Variants in NAV3 observed in about 807,000 individuals in gnomAD.
NAV3 encodes pore membrane and/or filament interacting like protein 1.
NAV3 carries 87 observed loss-of-function variants against 244.7 expected under a neutral mutation model. The ratio of observed to expected loss-of-function variants is 0.36; its 90% confidence interval spans 0.30 to 0.42. NAV3 has a LOEUF of 0.42. NAV3 is among the 20% of genes least tolerant of loss of function. The pLI is 1.00. For missense variants in NAV3, 2,663 were observed against 2,893.3 expected (o/e 0.92, Z 1.83); for synonymous variants, 1,126 against 1,042.2 (o/e 1.08, Z -1.55).
intron 2 of NAV3, among the ~76,000 whole-genome samples, chr12:77,711,405 C>T (rs556263118): frequency 5.3e-5 from 8 of 152,272 alleles, no homozygotes; most frequent in African/African-American, 1.9e-4. Context: ...ATGTCCTTTC[C>T]CTGACTTCAG....
chr12:78,063,009 T>A (rs1161537518), intron 12 of NAV3, among the ~76,000 whole-genome samples: 1 of 152,140 alleles, frequency 6.6e-6, no homozygotes, highest in Non-Finnish European at 1.5e-5. Flanking sequence ...GCAATGGACT[T>A]GAATTGTTTG....
rs774799435 is a variant in NAV3, at chr12:77,998,343, A to G, written c.747A>G (p.Pro249=). 4 of 1,563,658 alleles carry G rather than the reference A, an allele frequency of 2.6e-6. No individual in the cohort carries two copies. The highest frequency in any genetic ancestry group is 3.4e-6 in the Non-Finnish European group (4 of 1,160,700). ...ATSQKKPTRL[P]GPSRVPAAGS... ...TTTTCTTATACTATTTCAGGCTTCC[A>G]GGGCCCTCTAGGGTGCCTGCTGCAG... The change falls in exon 7 of 40, where the codon CCA becomes CCG. Residue 249 remains proline, a synonymous_variant. Coordinates refer to ENST00000397909, the MANE Select transcript of NAV3 (RefSeq NM_001024383.2).
intron 2 of NAV3, among the ~76,000 whole-genome samples, chr12:77,637,126 A>G (rs1459546551): frequency 6.6e-6 from 1 of 152,114 alleles, no homozygotes; most frequent in African/African-American, 2.4e-5. Context: ...GTATCCCAGA[A>G]CTTAAAGTAT....
At chr12:78,127,065 C>T in intron 16 of NAV3, 102 bp from the exon 17 acceptor site, 1 of 1,163,592 alleles carries the variant, frequency 8.6e-7, no homozygotes. Context: ...TGTGTGTTAC[C>T]AAAAAATTAT....
chr12:77,686,777 C>G (rs761317736), intron 2 of NAV3, among the ~76,000 whole-genome samples: 9 of 152,180 alleles, frequency 5.9e-5, no homozygotes, highest in Non-Finnish European at 8.8e-5. Context: ...GAGGTCTTAA[C>G]ATACACCACT....
intron 1 of NAV3, among the ~76,000 whole-genome samples, chr12:77,910,078 A>G (rs1886421223): frequency 6.6e-6 from 1 of 152,150 alleles, no homozygotes; most frequent in Non-Finnish European, 1.5e-5. Context: ...GAGTTTAATT[A>G]GATAGGAAAT....
chr12:77,722,393 G>A lies in NAV3; in HGVS notation c.72+150127G>A, dbSNP rs75744366. 3.9e-5 allele frequency among the ~76,000 whole-genome samples: 6 copies of A among 152,056 alleles called. No individual in the cohort carries two copies. In the South Asian group the frequency reaches 1.2e-3, roughly 32 times the overall value. On this transcript the variant is annotated intron_variant, in intron 2 of 8. Coordinates refer to the NAV3 transcript ENST00000550042. ...GTGTATTTATACGTTAAAGCAACAG[G>A]TACTATAAAAATCTTGTTGATATTG... is the stretch of plus-strand genomic sequence containing the variant.
Position 78,140,275 on chromosome 12 carries a change from TC to T in NAV3, c.4631-6del. The stretch of plus-strand genomic sequence containing the variant: ...TTTAACTCTATTGTTCTGTTTGTTT[TC>T]TCCAGTTCATGGCTCTTCATTATCA... On this transcript the variant is annotated splice_region_variant and splice_polypyrimidine_tract_variant and intron_variant, in intron 19 of 39. Transcript: ENST00000397909. 1.2e-6 allele frequency: 2 copies of T among 1,612,524 alleles called. No homozygotes were observed. Among genetic ancestry groups the T allele is most frequent in the East Asian group, 4.5e-5 (2 of 44,860 alleles).
intron 9 of NAV3, among the ~76,000 whole-genome samples, chr12:78,024,899 T>C (rs958958461): frequency 6.6e-5 from 10 of 150,968 alleles, no homozygotes; most frequent in Admixed American, 6.6e-4. Flanking sequence ...GGCATGAACC[T>C]GGGAGGCAGA....
At chr12:77,575,251 A>T in intron 2 of NAV3, among the ~76,000 whole-genome samples, 1 of 152,046 alleles carries the variant, frequency 6.6e-6, no homozygotes, top group Admixed American at 6.6e-5. Context: ...TAAACTACAG[A>T]TGTGTATCTT....
intron 1 of NAV3, among the ~76,000 whole-genome samples, chr12:77,892,201 G>C (rs556256569): frequency 1.3e-5 from 2 of 152,174 alleles, no homozygotes; most frequent in Non-Finnish European, 2.9e-5. Flanking sequence ...ATCAAAGATT[G>C]ACTTATGTTT....
chr12:77,947,718 C>G (rs1731713), intron 3 of NAV3, among the ~76,000 whole-genome samples: 17,810 of 151,842 alleles, frequency 0.12, 1,150 homozygotes, highest in South Asian at 0.21. Context: ...TTGTATTTTT[C>G]TTAATGATTT....
chr12:77,885,028 G>A (rs1207944744), intron 1 of NAV3, among the ~76,000 whole-genome samples: 1 of 151,960 alleles, frequency 6.6e-6, no homozygotes, highest in Non-Finnish European at 1.5e-5. Flanking sequence ...TTTATTGTTG[G>A]AAGAGTCTAC....
intron 9 of NAV3, among the ~76,000 whole-genome samples, chr12:78,045,337 A>G (rs1881596390): frequency 6.6e-6 from 1 of 151,976 alleles, no homozygotes; most frequent in Non-Finnish European, 1.5e-5. Flanking sequence ...GCTCCATCAC[A>G]CCGGCTGGAG....
At chr12:77,639,313 A>C (rs1182288712) in intron 2 of NAV3, among the ~76,000 whole-genome samples, 2 of 152,232 alleles carry the variant, frequency 1.3e-5, no homozygotes, top group Admixed American at 1.3e-4. Context: ...AGAAATGAAC[A>C]AAATAGACCC....
intron 9 of NAV3, among the ~76,000 whole-genome samples, chr12:78,044,953 C>A (rs533812557): frequency 5.9e-5 from 9 of 152,302 alleles, no homozygotes. Context: ...CTTGCCAAAA[C>A]TTCCAATACT....
At chr12:77,925,813 A>G (rs1888156888) in intron 1 of NAV3, among the ~76,000 whole-genome samples, 1 of 152,166 alleles carries the variant, frequency 6.6e-6, no homozygotes, top group Non-Finnish European at 1.5e-5. Flanking sequence ...AAACCATCAA[A>G]GTGTCCTTAG....
chr12:77,891,858 T>C (rs1019146314), intron 1 of NAV3, among the ~76,000 whole-genome samples: 2 of 152,196 alleles, frequency 1.3e-5, no homozygotes, highest in African/African-American at 4.8e-5. Flanking sequence ...ATTTATTTTA[T>C]CCTACCTGGA....
chr12:78,140,259 A>G (rs1381313532), intron 19 of NAV3, 23 bp from the exon 20 acceptor site: 10 of 1,607,880 alleles, frequency 6.2e-6, no homozygotes, highest in Non-Finnish European at 7.7e-6. Context: ...TTTTAACTCT[A>G]TTGTTCTGTT....
Sources: gnomAD v4.1 joint callset for allele counts (sites outside exome capture counted in the v4.1 genomes callset) on GRCh38, gnomAD v4.1.1 for gene constraint, MANE v1.5 for transcripts, NCBI Gene and HGNC (gene_info 2026-07-23, HGNC 2026-07-21) for gene names.